The following AZIN1 variants were observed in gnomAD, a reference collection of about 807,000 sequenced individuals.
The protein encoded by AZIN1 is antizyme inhibitor 1.
In AZIN1, 12 loss-of-function variants were observed where a neutral mutation model predicts 47.4. That is an observed-to-expected ratio of 0.25 (90% confidence interval 0.16 to 0.41). AZIN1 has a LOEUF of 0.41. Ranked by LOEUF, AZIN1 falls within the 10% of genes least tolerant of loss-of-function variation. The probability of loss-of-function intolerance (pLI) is 1.00; values close to 1 mark genes in which losing one functional copy is unlikely to be tolerated. For synonymous variants in AZIN1, 155 were observed against 176.3 expected (o/e 0.88, Z 0.96); for missense variants, 410 against 532.4 (o/e 0.77, Z 2.26).
intron 3 of AZIN1, among the ~76,000 whole-genome samples, chr8:102,840,799 A>G (rs1812131262): frequency 6.6e-6 from 1 of 152,234 alleles, no homozygotes; most frequent in Non-Finnish European, 1.5e-5. Flanking sequence ...TTTAATTCAC[A>G]GTATTTGAAA....
chr8:102,835,640 C>A (rs1358467431), intron 6 of AZIN1, among the ~76,000 whole-genome samples: 1 of 152,134 alleles, frequency 6.6e-6, no homozygotes, highest in Non-Finnish European at 1.5e-5. Context: ...GAATGAGATA[C>A]TATCTCAAAA....
Position 102,826,753 on chromosome 8 carries a change from T to C in AZIN1, c.*1814A>G, listed in dbSNP as rs545767581. 2.0e-5 allele frequency: 3 copies of C among 152,756 alleles called. No homozygotes were observed. In the South Asian group the frequency reaches 6.2e-4, roughly 32 times the overall value. The allele number at this position is 152,756 out of a possible 1,614,324, so 9.5% of individuals were successfully genotyped here. On this transcript the variant is annotated 3_prime_UTR_variant, in exon 12 of 12. Coordinates refer to ENST00000337198, the MANE Select transcript of AZIN1 (RefSeq NM_148174.4). ...AAAGTTGCACCATCTTTAAAAAGGT[T>C]TGGCATTTCTGGACCACAACAATGC...
intron 2 of AZIN1, among the ~76,000 whole-genome samples, chr8:102,857,487 C>T (rs972817499): frequency 6.6e-6 from 1 of 151,978 alleles, no homozygotes; most frequent in African/African-American, 2.4e-5. Flanking sequence ...GTAAAATTCA[C>T]ACATAGAAAA....
Position 102,843,660 on chromosome 8 carries a change from G to A in AZIN1, c.-8C>T. 1 of 1,613,394 alleles carries A rather than the reference G, an allele frequency of 6.2e-7. No homozygotes were observed. Among genetic ancestry groups the A allele is most frequent in the Non-Finnish European group, 8.5e-7 (1 of 1,179,662 alleles). On this transcript the variant is annotated 5_prime_UTR_variant, in exon 3 of 12. In the 5' UTR this introduces an upstream ATG that the reference lacks. Transcript: ENST00000337198. ...ATCAATAAATCCTTTCATCTCAGCC[G>A]TATTCCACAAAGCCGAAAGTCATAA...
rs757999683 is a variant in AZIN1 at position 102,843,554 on chromosome 8, G to C, written c.99C>G (p.Thr33=). ...NVIDNYVYEH[T]LTGKNAFFVG... is the part of the protein sequence containing the mutation. ...GTATTTGAGAAATGGCACTTACCAG[G>C]GTATGTTCATAAACATAGTTATCAA... Residue 33 remains threonine, a synonymous_variant, in exon 3 of 12, where the codon ACC becomes ACG. Coordinates refer to ENST00000337198, the MANE Select transcript of AZIN1 (RefSeq NM_148174.4). 5.0e-6 allele frequency: 8 copies of C among 1,609,562 alleles called. No individual in the cohort carries two copies. The Admixed American group carries it at 5.0e-5, about 10-fold the overall frequency.
intron 5 of AZIN1, among the ~76,000 whole-genome samples, chr8:102,837,883 G>A (rs575089422): frequency 4.7e-4 from 71 of 152,260 alleles, no homozygotes; most frequent in Middle Eastern, 3.4e-3. Flanking sequence ...AAGCCCTCTC[G>A]ATATACCAGT....
In AZIN1 at chr8:102,829,893, C is replaced by G. The variant is rs2131188735; in HGVS notation, c.948G>C (p.Met316Ile). 1 of 1,613,236 alleles carries G rather than the reference C, an allele frequency of 6.2e-7. No individual in the cohort carries two copies. Among genetic ancestry groups the G allele is most frequent in the African/African-American group, 1.3e-5 (1 of 74,998 alleles). Residue 316 changes from methionine (M) to isoleucine (I), a missense_variant, in exon 10 of 12, where the codon ATG becomes ATC. Met to Ile is a conservative substitution (Grantham distance 10). Transcript: ENST00000337198. ...GSDEPAFMYY[M>I]NDGVYGSFAS... The stretch of plus-strand genomic sequence containing the variant: ...CAAAAGAACCATAAACACCATCATT[C>G]ATATAATACATGAAGGCTGGTTCAT...
Position 102,836,316 on chromosome 8 carries a change from T to C in AZIN1, c.524A>G (p.Lys175Arg), listed in dbSNP as rs1811819816. ...EGNMKFGTTL[K>R]NCRHLLECAK... Reference sequence around the variant, plus strand: ...ACATTCCAAGAGATGCCTACAGTTCTTCAGGGTAGTGCCAAACTTCATGTT... The same window carrying C: ...ACATTCCAAGAGATGCCTACAGTTCCTCAGGGTAGTGCCAAACTTCATGTT... The change falls in exon 6 of 12, where the codon AAG becomes AGG. Residue 175 changes from lysine (K) to arginine (R), a missense_variant. By Grantham distance (26) the Lys-to-Arg change is conservative. This residue lies in a region of AZIN1 where 237 missense variants were observed against 309.4 expected (regional missense o/e 0.77). Coordinates refer to ENST00000337198, the MANE Select transcript of AZIN1 (RefSeq NM_148174.4). The C allele has an allele frequency of 6.2e-7, 1 of 1,613,652 alleles. No individual in the cohort carries two copies.
Position 102,841,145 on chromosome 8 carries a change from A to C in AZIN1, c.103-1322T>G, listed in dbSNP as rs1259006259. On this transcript the variant is annotated intron_variant, in intron 3 of 11. Coordinates refer to ENST00000337198, the MANE Select transcript of AZIN1 (RefSeq NM_148174.4). ...AATTAAGCAGGCTTGGGCAAACAAT[A>C]GGACGATGAAAAGGGAAATAAGTTA... Among the ~76,000 whole-genome samples, 3 of 152,248 alleles carry C rather than the reference A, an allele frequency of 2.0e-5. No individual in the cohort carries two copies. In the East Asian group the frequency reaches 5.8e-4, roughly 29 times the overall value.
rs994111187 is a variant in AZIN1 at position 102,829,808 on chromosome 8, T to A, written c.1020+13A>T. The A allele has an allele frequency of 1.3e-6, 2 of 1,572,828 alleles. No homozygotes were observed. Among genetic ancestry groups the A allele is most frequent in the South Asian group, 2.3e-5 (2 of 87,292 alleles). ...AATGCCAAATAGGTTTTGATATTTCTGATAAAACTTGCCTTGTGAACCTCT... is the reference window on the plus strand; with the variant it reads ...AATGCCAAATAGGTTTTGATATTTCAGATAAAACTTGCCTTGTGAACCTCT... On this transcript the variant is annotated intron_variant, in intron 10 of 11. Coordinates refer to ENST00000337198, the MANE Select transcript of AZIN1 (RefSeq NM_148174.4).
At chr8:102,860,793 G>A (rs577543606) in intron 1 of AZIN1, among the ~76,000 whole-genome samples, 15 of 152,136 alleles carry the variant, frequency 9.9e-5, no homozygotes, top group Non-Finnish European at 1.5e-4. Context: ...TTTTAAAATC[G>A]TTCTGTGGTA....
intron 1 of AZIN1, among the ~76,000 whole-genome samples, chr8:102,862,815 C>T (rs553762494): frequency 2.4e-4 from 37 of 152,198 alleles, no homozygotes; most frequent in Non-Finnish European, 5.0e-4. Context: ...AAACATGAGG[C>T]GGTAAACTGT....
chr8:102,850,130 G>A (rs1163212923), intron 2 of AZIN1: 1 of 152,182 alleles, frequency 6.6e-6, no homozygotes, highest in African/African-American at 2.4e-5. Flanking sequence ...TTGGATTTCT[G>A]AAGTGAAGAC....
In AZIN1 at chr8:102,836,119, CACAT is replaced by C. The variant is rs1231028677; in HGVS notation, c.584+133_584+136del. On this transcript the variant is annotated intron_variant, in intron 6 of 11. Transcript: ENST00000337198. ...TGTTTTGCCTAAACTAAGAAGAAAA[CACAT>C]ACATGTGTGTTAAAAGACTAGAAAA... The C allele has an allele frequency of 3.2e-6, 3 of 933,614 alleles. No homozygotes were observed. The African/African-American group carries it at 5.0e-5, about 16-fold the overall frequency. The allele number at this position is 933,614 out of a possible 1,614,324, so 57.8% of individuals were successfully genotyped here.
At chr8:102,848,191 T>C (rs571770212) in intron 2 of AZIN1, among the ~76,000 whole-genome samples, 18 of 152,188 alleles carry the variant, frequency 1.2e-4, no homozygotes, top group Admixed American at 4.6e-4. Context: ...GGTTTCTGTA[T>C]GTACACTATG....
At chr8:102,834,896 C>A in intron 6 of AZIN1, 149 bp from the exon 7 acceptor site, 2 of 574,032 alleles carry the variant, frequency 3.5e-6, no homozygotes, top group Non-Finnish European at 6.0e-6. Flanking sequence ...GCATTAGCTT[C>A]TAATTACCCA....
chr8:102,851,691 T>C (rs944894015), intron 2 of AZIN1, among the ~76,000 whole-genome samples: 4 of 152,130 alleles, frequency 2.6e-5, no homozygotes, highest in Non-Finnish European at 4.4e-5. Flanking sequence ...AGAGCAAGAC[T>C]GTCTCAGAAA....
chr8:102,843,580 T>G lies in AZIN1; in HGVS notation c.73A>C (p.Ile25Leu). 8 of 1,614,006 alleles carry G rather than the reference T, an allele frequency of 5.0e-6. No homozygotes were observed. The highest frequency in any genetic ancestry group is 6.8e-6 in the Non-Finnish European group (8 of 1,179,908). ...LDEGTNLGNV[I>L]DNYVYEHTLT... ...GTATGTTCATAAACATAGTTATCAA[T>G]AACATTTCCAAGGTTTGTTCCTTCA... The change falls in exon 3 of 12, where the codon ATT becomes CTT. Residue 25 changes from isoleucine to leucine, a missense_variant. Transcript: ENST00000337198.
intron 1 of AZIN1, among the ~76,000 whole-genome samples, chr8:102,863,053 G>GT (rs1476149915): frequency 6.6e-6 from 1 of 152,240 alleles, no homozygotes; most frequent in African/African-American, 2.4e-5. Context: ...GGTGACTGGG[G>GT]TGAGTGAAGG....
Sources: gnomAD v4.1 joint callset for allele counts (sites outside exome capture counted in the v4.1 genomes callset) on GRCh38, gnomAD v4.1.1 for gene constraint, gnomAD v4.1.1 regional missense constraint, MANE v1.5 for transcripts, NCBI Gene and HGNC (gene_info 2026-07-23, HGNC 2026-07-21) for gene names.